The following HMBOX1 variants were observed in gnomAD, a reference collection of about 807,000 sequenced individuals.
The protein encoded by HMBOX1 is homeobox containing 1, also known as homeobox-containing protein 1.
HMBOX1 carries 14 observed loss-of-function variants against 54.5 expected under a neutral mutation model. That is an observed-to-expected ratio of 0.26 (90% CI 0.17 to 0.40). The LOEUF is 0.40. Among genes scored for constraint, HMBOX1 ranks in the 10% least tolerant of loss-of-function variants. The pLI, the probability that HMBOX1 is intolerant of heterozygous loss-of-function variation, is 1.00. For missense variants in HMBOX1, 332 were observed against 514.4 expected, an observed-to-expected ratio of 0.65 and a Z score of 3.43; for synonymous variants, 160 against 181.0, an observed-to-expected ratio of 0.88 and a Z score of 0.93.
chr8:28,988,803 T>C (rs549877472), intron 4 of HMBOX1, among the ~76,000 whole-genome samples: 40 of 152,340 alleles, frequency 2.6e-4, no homozygotes, highest in African/African-American at 9.1e-4. Flanking sequence ...TTATAAGAGC[T>C]TTTTGTTTAT....
intron 1 of HMBOX1, among the ~76,000 whole-genome samples, chr8:28,898,459 T>G (rs1404757925): frequency 6.6e-6 from 1 of 152,218 alleles, no homozygotes; most frequent in Non-Finnish European, 1.5e-5. Context: ...AGGGATCATT[T>G]GGCTTCAAGG....
At chr8:28,999,438 T>G (rs551539184) in intron 4 of HMBOX1, among the ~76,000 whole-genome samples, 1 of 152,212 alleles carries the variant, frequency 6.6e-6, no homozygotes, top group Non-Finnish European at 1.5e-5. Context: ...TTCATCAAAT[T>G]TGGGAAGTTT....
chr8:28,954,982 T>C (rs568257622), intron 1 of HMBOX1, among the ~76,000 whole-genome samples: 40 of 152,334 alleles, frequency 2.6e-4, no homozygotes, highest in Admixed American at 7.8e-4. Context: ...TTCTTATTCC[T>C]AATAGATTTT....
rs968278694 is a variant in HMBOX1 at position 28,977,129 on chromosome 8, C to T, written c.501-2942C>T. On this transcript the variant is annotated intron_variant, in intron 3 of 9. Coordinates refer to ENST00000287701, the MANE Select transcript of HMBOX1 (RefSeq NM_001135726.3). ...TGTTTTGTGCAGTCCTTAATAATAT[C>T]GTGCTGCAAGGCTGTGAATAATTTA... Among the ~76,000 whole-genome samples the T allele has an allele frequency of 5.9e-5, 9 of 152,220 alleles. No individual in the cohort carries two copies. The East Asian group carries it at 7.7e-4, about 13-fold the overall frequency.
chr8:28,936,504 TGTG>T (rs1028388536), intron 1 of HMBOX1, among the ~76,000 whole-genome samples: 14 of 151,994 alleles, frequency 9.2e-5, no homozygotes, highest in African/African-American at 2.7e-4. Flanking sequence ...CTTTTTTAAT[TGTG>T]GTGAGATTCA....
At chr8:28,895,655 A>G (rs1254989260) in intron 1 of HMBOX1, among the ~76,000 whole-genome samples, 2 of 150,924 alleles carry the variant, frequency 1.3e-5, no homozygotes, top group African/African-American at 5.0e-5. Flanking sequence ...AGCCTGGGCA[A>G]CAGAGTGAGA....
intron 1 of HMBOX1, among the ~76,000 whole-genome samples, chr8:28,934,167 G>T (rs1286865433): frequency 6.6e-6 from 1 of 152,124 alleles, no homozygotes; most frequent in African/African-American, 2.4e-5. Context: ...TGTAACAATG[G>T]TTTAACAATC....
At chr8:29,005,168 G>A (rs962564722) in intron 4 of HMBOX1, among the ~76,000 whole-genome samples, 2 of 152,122 alleles carry the variant, frequency 1.3e-5, no homozygotes, top group Non-Finnish European at 2.9e-5. Flanking sequence ...AGAGAAAATT[G>A]TGGAACAACA....
chr8:28,894,172 C>G (rs1811586137), intron 1 of HMBOX1, among the ~76,000 whole-genome samples: 2 of 152,158 alleles, frequency 1.3e-5, no homozygotes, highest in South Asian at 4.1e-4. Flanking sequence ...TAACAGTTGG[C>G]TTTTACTTCC....
chr8:28,964,140 T>C (rs1459196042), intron 2 of HMBOX1, among the ~76,000 whole-genome samples: 4 of 152,174 alleles, frequency 2.6e-5, no homozygotes, highest in African/African-American at 9.6e-5. Context: ...AATTTTAACA[T>C]TAATTTTAAA....
intron 3 of HMBOX1, among the ~76,000 whole-genome samples, chr8:28,974,136 A>G (rs1373879587): frequency 6.6e-6 from 1 of 152,054 alleles, no homozygotes; most frequent in East Asian, 1.9e-4. Flanking sequence ...TTTTTTGTAG[A>G]ACTTCATCAA....
intron 2 of HMBOX1, among the ~76,000 whole-genome samples, 194 bp from the exon 3 acceptor site, chr8:28,969,849 A>G (rs112246799): frequency 6.6e-5 from 10 of 152,310 alleles, no homozygotes; most frequent in South Asian, 4.1e-4. Flanking sequence ...TGTTACACCT[A>G]TGTTCACCTA....
chr8:28,973,813 T>TTTTTTTTGTTTG (rs1827887712), intron 3 of HMBOX1, among the ~76,000 whole-genome samples: 5 of 35,030 alleles, frequency 1.4e-4, no homozygotes, highest in East Asian at 1.0e-3. Flanking sequence ...GTTTTTTTTT[T>TTTTTTTTGTTTG]TTTTTTTTTT....
chr8:29,030,264 C>T (rs1407120982), intron 6 of HMBOX1, among the ~76,000 whole-genome samples: 1 of 150,472 alleles, frequency 6.6e-6, no homozygotes, highest in Admixed American at 6.6e-5. Context: ...GTTGCCCAGG[C>T]TGGAGTACAA....
chr8:28,953,937 A>G (rs759858934), intron 1 of HMBOX1, among the ~76,000 whole-genome samples: 1 of 152,184 alleles, frequency 6.6e-6, no homozygotes, highest in Non-Finnish European at 1.5e-5. Context: ...CATATTTTGT[A>G]TCTTTGTAAG....
At chr8:28,912,210 G>T (rs1472977297) in intron 1 of HMBOX1, among the ~76,000 whole-genome samples, 2 of 152,080 alleles carry the variant, frequency 1.3e-5, no homozygotes, top group Non-Finnish European at 2.9e-5. Context: ...ACTTACTATG[G>T]GTTTATCAGG....
chr8:28,894,431 C>T (rs1463890455), intron 1 of HMBOX1, among the ~76,000 whole-genome samples: 1 of 152,062 alleles, frequency 6.6e-6, no homozygotes, highest in East Asian at 1.9e-4. Context: ...CACATGTTGT[C>T]CACATTATAG....
At chr8:29,047,143 A>G (rs1042085494) in intron 7 of HMBOX1, among the ~76,000 whole-genome samples, 7 of 152,190 alleles carry the variant, frequency 4.6e-5, no homozygotes, top group East Asian at 3.8e-4. Flanking sequence ...ATGTTGTGTT[A>G]CTAGTTGTTG....
At chr8:28,992,032 T>C (rs1024774230) in intron 4 of HMBOX1, among the ~76,000 whole-genome samples, 2 of 152,236 alleles carry the variant, frequency 1.3e-5, no homozygotes, top group Non-Finnish European at 2.9e-5. Context: ...CCAATAGTCA[T>C]GCAGTTAATT....
Sources: allele counts gnomAD v4.1 joint callset (sites outside exome capture counted in the v4.1 genomes callset), GRCh38; gene constraint gnomAD v4.1.1; transcripts MANE v1.5; gene names NCBI Gene and HGNC (gene_info 2026-07-23, HGNC 2026-07-21).